APBB1IP: variants seen among roughly 807,000 people sequenced by gnomAD.
The protein encoded by APBB1IP is amyloid beta A4 precursor protein-binding family B member 1-interacting protein.
APBB1IP carries 27 observed loss-of-function variants against 64.9 expected under a neutral mutation model. The ratio of observed to expected loss-of-function variants is 0.42; its 90% CI spans 0.31 to 0.57. The LOEUF is 0.57. APBB1IP is among the 20% of genes least tolerant of loss of function. The pLI, the probability that APBB1IP is intolerant of heterozygous loss-of-function variation, is 0.20. For synonymous variants in APBB1IP, 392 were observed against 331.0 expected (o/e 1.18, Z -2.00); for missense variants, 812 against 845.5 (o/e 0.96, Z 0.49).
intron 11 of APBB1IP, 163 bp downstream of exon 11, chr10:26,541,855 C>T: frequency 1.9e-6 from 1 of 524,654 alleles, no homozygotes; most frequent in Non-Finnish European, 3.3e-6. Flanking sequence ...GGGACATTTT[C>T]CCCAAAGCCT....
intron 10 of APBB1IP, among the ~76,000 whole-genome samples, chr10:26,538,599 C>A (rs528081952): frequency 6.7e-6 from 1 of 149,946 alleles, no homozygotes; most frequent in Non-Finnish European, 1.5e-5. Flanking sequence ...CAAGATCATG[C>A]CACTGCACTC....
At chr10:26,463,682 G>T (rs573582430) in intron 2 of APBB1IP, among the ~76,000 whole-genome samples, 1 of 152,266 alleles carries the variant, frequency 6.6e-6, no homozygotes, top group Non-Finnish European at 1.5e-5. Context: ...GACTGGGGGT[G>T]ATTATGGCAG....
At chr10:26,547,924 G>T (rs11015167) in intron 11 of APBB1IP, among the ~76,000 whole-genome samples, 11,268 of 152,004 alleles carry the variant, frequency 0.074, 1,130 homozygotes, top group African/African-American at 0.23. Context: ...TTTTTCTTTT[G>T]TGGGGGACAC....
intron 8 of APBB1IP, among the ~76,000 whole-genome samples, chr10:26,520,164 T>G (rs1421448115): frequency 1.3e-5 from 2 of 152,224 alleles, no homozygotes; most frequent in Admixed American, 6.5e-5. Context: ...TTGCTCTTGC[T>G]GCCTTTTTCA....
chr10:26,467,944 C>T (rs1301073106), intron 2 of APBB1IP, among the ~76,000 whole-genome samples: 1 of 152,178 alleles, frequency 6.6e-6, no homozygotes, highest in East Asian at 1.9e-4. Context: ...ATGATAGAAA[C>T]TACAACCGCT....
At chr10:26,500,693 C>A in intron 4 of APBB1IP, 126 bp from the exon 5 acceptor site, 1 of 898,776 alleles carries the variant, frequency 1.1e-6, no homozygotes, top group Non-Finnish European at 1.7e-6. Flanking sequence ...TCTCAATCTT[C>A]TCATATCATA....
At chr10:26,491,843 C>A (rs1835958879) in intron 2 of APBB1IP, among the ~76,000 whole-genome samples, 2 of 144,144 alleles carry the variant, frequency 1.4e-5, no homozygotes, top group Non-Finnish European at 3.0e-5. Context: ...CTCACTGCAA[C>A]CTTCACCTCC....
chr10:26,485,492 G>A (rs988364717), intron 2 of APBB1IP, among the ~76,000 whole-genome samples: 2 of 152,162 alleles, frequency 1.3e-5, no homozygotes, highest in African/African-American at 4.8e-5. Context: ...ACATCAACAA[G>A]ATCTGATTCT....
At chr10:26,546,353 C>G (rs1028502918) in intron 11 of APBB1IP, among the ~76,000 whole-genome samples, 1 of 152,108 alleles carries the variant, frequency 6.6e-6, no homozygotes, top group Non-Finnish European at 1.5e-5. Flanking sequence ...TGCTAGGCCC[C>G]CAGGGTTTTT....
chr10:26,541,638 G>A lies in APBB1IP; in HGVS notation c.1101G>A (p.Gly367=). 2.5e-6 allele frequency: 4 copies of A among 1,612,610 alleles called. No individual in the cohort carries two copies. ...TTGAAAATGTCAACATTTACTATGG[G>A]ACTCAGCATAAAATGAAATATAAAG... The part of the protein sequence containing the change: ...IQFENVNIYY[G]TQHKMKYKAP... The change falls in exon 11 of 15, where the codon GGG becomes GGA. Residue 367 remains glycine, a synonymous_variant. Coordinates refer to ENST00000376236, the MANE Select transcript of APBB1IP (RefSeq NM_019043.4).
chr10:26,483,430 G>A (rs1333054643), intron 2 of APBB1IP, among the ~76,000 whole-genome samples: 4 of 152,134 alleles, frequency 2.6e-5, no homozygotes, highest in South Asian at 2.1e-4. Context: ...TGCACGTAAC[G>A]CACCAGGACA....
intron 2 of APBB1IP, among the ~76,000 whole-genome samples, chr10:26,454,348 G>A (rs1186276408): frequency 1.3e-5 from 2 of 152,138 alleles, no homozygotes; most frequent in East Asian, 1.9e-4. Context: ...GGCTGAGGCA[G>A]GAGAATTGCT....
At chr10:26,509,824 G>A (rs755010872) in intron 6 of APBB1IP, 32 of 152,026 alleles carry the variant, frequency 2.1e-4, no homozygotes, top group African/African-American at 4.3e-4. Context: ...TTGAATAACC[G>A]GGACCAACCG....
At chr10:26,531,258 C>T (rs1836549112) in intron 8 of APBB1IP, among the ~76,000 whole-genome samples, 1 of 152,256 alleles carries the variant, frequency 6.6e-6, no homozygotes, top group Non-Finnish European at 1.5e-5. Context: ...ATCCCTTGAA[C>T]CCAGGAGGCA....
chr10:26,486,169 C>T (rs1835889000), intron 2 of APBB1IP, among the ~76,000 whole-genome samples: 1 of 152,186 alleles, frequency 6.6e-6, no homozygotes, highest in Non-Finnish European at 1.5e-5. Flanking sequence ...CGCTGAGTGC[C>T]TGAACGCTCT....
chr10:26,560,889 G>A (rs1360452863), intron 13 of APBB1IP, 45 bp downstream of exon 13: 1 of 1,457,490 alleles, frequency 6.9e-7, no homozygotes, highest in Admixed American at 2.1e-5. Flanking sequence ...AAAGCTTGGT[G>A]CTCCAGTTCA....
chr10:26,548,120 G>A (rs1183451105), intron 11 of APBB1IP, among the ~76,000 whole-genome samples: 2 of 152,104 alleles, frequency 1.3e-5, no homozygotes, highest in Non-Finnish European at 2.9e-5. Flanking sequence ...TGGCTATTTG[G>A]AGTCTGTGTT....
intron 2 of APBB1IP, among the ~76,000 whole-genome samples, chr10:26,484,680 A>ATTTTTATTG (rs1379123840): frequency 3.9e-5 from 6 of 152,124 alleles, no homozygotes; most frequent in African/African-American, 1.4e-4. Flanking sequence ...TATATAAACA[A>ATTTTTATTG]TTGTATTATT....
chr10:26,513,326 G>GT lies in APBB1IP; in HGVS notation c.692-207dup, dbSNP rs563804107. On this transcript the variant is annotated intron_variant, in intron 7 of 14. Transcript: ENST00000376236. ...GCTGACCATTGTCACTGTGTTATGG[G>GT]TTTTTTCATCTTGTTTATAATGGAA... is the stretch of plus-strand genomic sequence containing the variant. Among the ~76,000 whole-genome samples the GT allele has an allele frequency of 2.7e-4, 41 of 152,264 alleles. No homozygotes were observed. The East Asian group carries it at 7.1e-3, about 27-fold the overall frequency.
Sources: gnomAD v4.1 joint callset for allele counts (sites outside exome capture counted in the v4.1 genomes callset) on GRCh38, gnomAD v4.1.1 for gene constraint, MANE v1.5 for transcripts, NCBI Gene and HGNC (gene_info 2026-07-23, HGNC 2026-07-21) for gene names.